The following ADGRG7 variants were observed in gnomAD, a reference collection of about 807,000 sequenced individuals.
ADGRG7 encodes adhesion G protein-coupled receptor G7.
ADGRG7 carries 82 observed loss-of-function variants against 88.6 expected under a neutral mutation model. That is an observed-to-expected ratio of 0.93 (90% CI 0.77 to 1.11). The LOEUF is 1.11. Ranked by LOEUF, ADGRG7 falls within the 50% of genes most tolerant of loss-of-function variation. The pLI is 0.00. For missense variants in ADGRG7, 945 were observed against 953.4 expected (o/e 0.99, Z 0.12); for synonymous variants, 381 against 345.2 (o/e 1.10, Z -1.15).
At chr3:100,657,798 C>G (rs149143899) in intron 13 of ADGRG7, among the ~76,000 whole-genome samples, 1 of 152,256 alleles carries the variant, frequency 6.6e-6, no homozygotes, top group African/African-American at 2.4e-5. Flanking sequence ...GGCAAGCATG[C>G]CTTTGCATTT....
intron 1 of ADGRG7, among the ~76,000 whole-genome samples, chr3:100,617,578 C>T (rs1235997087): frequency 6.6e-6 from 1 of 152,230 alleles, no homozygotes; most frequent in East Asian, 1.9e-4. Context: ...CATAGTATTC[C>T]ATGGTGTATA....
intron 15 of ADGRG7, among the ~76,000 whole-genome samples, chr3:100,689,561 A>G (rs1425189077): frequency 6.6e-6 from 1 of 152,026 alleles, no homozygotes; most frequent in Admixed American, 6.6e-5. Flanking sequence ...CTCTTTTAGG[A>G]CAGGCCTGGT....
chr3:100,691,236 G>T (rs1304823313), intron 15 of ADGRG7, among the ~76,000 whole-genome samples: 1 of 152,200 alleles, frequency 6.6e-6, no homozygotes, highest in Admixed American at 6.5e-5. Context: ...GGGTGGGAGT[G>T]ACCCGATTTT....
At chr3:100,670,573 T>A (rs1353646679) in intron 15 of ADGRG7, among the ~76,000 whole-genome samples, 1 of 151,460 alleles carries the variant, frequency 6.6e-6, no homozygotes, top group Admixed American at 6.6e-5. Context: ...CTTTTTTTTA[T>A]TATTAAACTT....
At chr3:100,658,439 C>T (rs746119184) in intron 13 of ADGRG7, among the ~76,000 whole-genome samples, 4 of 152,172 alleles carry the variant, frequency 2.6e-5, no homozygotes, top group South Asian at 2.1e-4. Flanking sequence ...AGACAGATCA[C>T]GTCATGTCTC....
At position 100,637,387 on chromosome 3, in the gene ADGRG7, A is replaced by G. The variant is rs1474049490; in HGVS notation, c.683A>G (p.Asp228Gly). 1 of 1,612,444 alleles carries G rather than the reference A, an allele frequency of 6.2e-7. No homozygotes were observed. The highest frequency in any genetic ancestry group is 8.5e-7 in the Non-Finnish European group (1 of 1,178,584). Residue 228 changes from aspartate to glycine, a missense_variant, in exon 6 of 16, where the codon GAT (aspartate) becomes GGT (glycine). By Grantham distance (94) the Asp-to-Gly change is moderately conservative (BLOSUM62 -1). Transcript: ENST00000273352. ...CAAAGAGTTGCTGCTACTGCTAATG[A>G]TGATGCCCTTACAACGTAAGCACAA... ...AFQRVAATANDDALTTLIEQM... is the reference protein window; with the variant it reads ...AFQRVAATANGDALTTLIEQM...
chr3:100,654,345 G>A (rs2149029074), intron 11 of ADGRG7: 1 of 152,612 alleles, frequency 6.6e-6, no homozygotes, highest in South Asian at 2.1e-4. Context: ...TATCCTTTGA[G>A]CTAAGAGTTC....
At chr3:100,643,048 G>C (rs1411795646) in intron 6 of ADGRG7, among the ~76,000 whole-genome samples, 1 of 152,160 alleles carries the variant, frequency 6.6e-6, no homozygotes, top group Non-Finnish European at 1.5e-5. Context: ...GTTCAAGGTA[G>C]CCTTCAGTGA....
intron 1 of ADGRG7, among the ~76,000 whole-genome samples, chr3:100,618,647 G>A (rs1269324978): frequency 6.6e-6 from 1 of 152,138 alleles, no homozygotes; most frequent in Non-Finnish European, 1.5e-5. Context: ...AAGTCAGGTA[G>A]CGTGATGCCT....
chr3:100,620,378 T>C (rs536871531), intron 1 of ADGRG7, among the ~76,000 whole-genome samples: 51 of 152,276 alleles, frequency 3.3e-4, no homozygotes, highest in African/African-American at 1.2e-3. Context: ...CTAAAAACTC[T>C]CAATAAATTA....
rs546322229 is a variant in ADGRG7 at position 100,686,770 on chromosome 3, T to C, written c.2137-7974T>C. ...TGGTACCAGTACCATGCTGTTTTGA[T>C]TACTGTAGCCTTGTAGTATAGTTTG... On this transcript the variant is annotated intron_variant, in intron 15 of 15. Coordinates refer to ENST00000273352, the MANE Select transcript of ADGRG7 (RefSeq NM_032787.3). 5.3e-5 allele frequency among the ~76,000 whole-genome samples: 8 copies of C among 152,362 alleles called. No homozygotes were observed. In the South Asian group the frequency reaches 1.4e-3, roughly 28 times the overall value.
chr3:100,663,945 C>T (rs1213757493), intron 14 of ADGRG7, among the ~76,000 whole-genome samples: 4 of 151,908 alleles, frequency 2.6e-5, no homozygotes, highest in Admixed American at 6.6e-5. Context: ...GGATATAAGA[C>T]GTGATATTGA....
At chr3:100,669,145 T>A (rs2094955241) in intron 15 of ADGRG7, 40 bp downstream of exon 15, 2 of 1,415,464 alleles carry the variant, frequency 1.4e-6, no homozygotes, top group Non-Finnish European at 1.9e-6. Context: ...GAACACGCAG[T>A]GGTGGAGATA....
chr3:100,670,421 C>G (rs1174279033), intron 15 of ADGRG7, among the ~76,000 whole-genome samples: 1 of 152,148 alleles, frequency 6.6e-6, no homozygotes, highest in Non-Finnish European at 1.5e-5. Flanking sequence ...TTGATGGATA[C>G]TTACTTTGCT....
At chr3:100,637,525 A>C (rs924136730) in intron 6 of ADGRG7, 123 bp downstream of exon 6, 5 of 684,470 alleles carry the variant, frequency 7.3e-6, no homozygotes, top group African/African-American at 1.8e-5. Context: ...ATTCCTCTGG[A>C]ATGTAGATAA....
chr3:100,653,120 T>C (rs1176575853), intron 11 of ADGRG7, among the ~76,000 whole-genome samples: 1 of 152,196 alleles, frequency 6.6e-6, no homozygotes, highest in Non-Finnish European at 1.5e-5. Context: ...TGAAAAGTCT[T>C]GCAGAAAAGA....
At chr3:100,683,583 T>A (rs1214448621) in intron 15 of ADGRG7, among the ~76,000 whole-genome samples, 1 of 152,200 alleles carries the variant, frequency 6.6e-6, no homozygotes, top group African/African-American at 2.4e-5. Context: ...ACCCCATGCT[T>A]GCTTACACAC....
intron 15 of ADGRG7, among the ~76,000 whole-genome samples, chr3:100,676,665 T>C (rs2094965698): frequency 6.6e-6 from 1 of 152,030 alleles, no homozygotes; most frequent in Non-Finnish European, 1.5e-5. Context: ...TGATTTTCTG[T>C]CTGGAAGATC....
intron 15 of ADGRG7, among the ~76,000 whole-genome samples, chr3:100,687,833 ATTCTCTTTTTTTGTTGTGTCTC>A (rs1201968293): frequency 6.6e-6 from 1 of 152,086 alleles, no homozygotes. Context: ...TTGGTCTAAA[ATTCTCTTTTTTTGTTGTGTCTC>A]TGCCAGGCTT....
Sources: gnomAD v4.1 joint callset for allele counts (sites outside exome capture counted in the v4.1 genomes callset) on GRCh38, gnomAD v4.1.1 for gene constraint, MANE v1.5 for transcripts, NCBI Gene and HGNC (gene_info 2026-07-23, HGNC 2026-07-21) for gene names.